Variants in LYPLA1 observed in about 807,000 individuals in gnomAD.
LYPLA1 encodes lysophospholipase 1.
Under a neutral mutation model 34.0 loss-of-function variants are expected in LYPLA1, and 17 were observed. That is an observed-to-expected ratio of 0.50 (90% CI 0.34 to 0.75). LYPLA1 has a LOEUF of 0.75. Ranked by LOEUF, LYPLA1 falls within the 30% of genes least tolerant of loss-of-function variation. The pLI is 0.01. For missense variants in LYPLA1, 203 were observed against 288.8 expected, an observed-to-expected ratio of 0.70 and a Z score of 2.15; for synonymous variants, 98 against 100.8, an observed-to-expected ratio of 0.97 and a Z score of 0.17.
chr8:54,079,563 G>A (rs1808158588), intron 2 of LYPLA1, among the ~76,000 whole-genome samples: 1 of 152,092 alleles, frequency 6.6e-6, no homozygotes, highest in Admixed American at 6.6e-5. Flanking sequence ...AGCAGTTTGG[G>A]AGGCTGAGTT....
At chr8:54,058,566 G>C (rs1806366723) in intron 5 of LYPLA1, among the ~76,000 whole-genome samples, 1 of 151,636 alleles carries the variant, frequency 6.6e-6, no homozygotes, top group Non-Finnish European at 1.5e-5. Flanking sequence ...AAAAAAACCA[G>C]AATAAATCTC....
intron 2 of LYPLA1, among the ~76,000 whole-genome samples, chr8:54,070,239 CG>C (rs1387428300): frequency 6.6e-6 from 1 of 152,102 alleles, no homozygotes; most frequent in Admixed American, 6.5e-5. Context: ...TGCTGGAACC[CG>C]GGAGGCGGAA....
chr8:54,059,297 C>CTTTTTTTTTTTTTTT (rs1476518178), intron 5 of LYPLA1, among the ~76,000 whole-genome samples: 2 of 117,270 alleles, frequency 1.7e-5, no homozygotes, highest in African/African-American at 1.1e-4. Flanking sequence ...TGTATTTTCC[C>CTTTTTTTTTTTTTTT]TGTTTTTTTT....
chr8:54,095,212 G>A (rs1809594167), intron 2 of LYPLA1, among the ~76,000 whole-genome samples: 1 of 152,012 alleles, frequency 6.6e-6, no homozygotes, highest in Admixed American at 6.6e-5. Flanking sequence ...GGCCAGGCTG[G>A]TACTGAACTA....
At chr8:54,084,163 T>TATATATAA (rs1365317074) in intron 2 of LYPLA1, among the ~76,000 whole-genome samples, 3 of 132,612 alleles carry the variant, frequency 2.3e-5, no homozygotes, top group Admixed American at 7.3e-5. Flanking sequence ...TATATATATA[T>TATATATAA]AAAATAAAGA....
intron 2 of LYPLA1, among the ~76,000 whole-genome samples, chr8:54,082,389 C>T (rs185362340): frequency 7.9e-5 from 12 of 151,096 alleles, no homozygotes; most frequent in Admixed American, 4.6e-4. Context: ...TGGACTGGTG[C>T]GATCAAGAAC....
intron 3 of LYPLA1, among the ~76,000 whole-genome samples, chr8:54,063,768 A>G (rs942681238): frequency 3.3e-5 from 5 of 152,206 alleles, no homozygotes; most frequent in African/African-American, 9.6e-5. Flanking sequence ...ATCAATTCTC[A>G]TATGCTCAGA....
chr8:54,061,142 G>A (rs1436259959), intron 5 of LYPLA1, among the ~76,000 whole-genome samples: 3 of 149,820 alleles, frequency 2.0e-5, no homozygotes, highest in Admixed American at 6.6e-5. Context: ...GTGCAATGGC[G>A]CAATCTCGGC....
chr8:54,101,387 G>A (rs11994629), intron 1 of LYPLA1: 152,323 of 1,052,206 alleles, frequency 0.14, 15,636 homozygotes, highest in East Asian at 0.73. Context: ...CTTTCATTGA[G>A]GATAAGAGTG....
downstream of LYPLA1, among the ~76,000 whole-genome samples, chr8:54,046,109 C>A (rs1233393281): frequency 6.6e-6 from 1 of 151,916 alleles, no homozygotes; most frequent in Non-Finnish European, 1.5e-5. Context: ...AAGAAAAAGA[C>A]AAAAGATAAA....
At chr8:54,044,177 G>A (rs1044260986), downstream of LYPLA1, among the ~76,000 whole-genome samples, 7 of 152,122 alleles carry the variant, frequency 4.6e-5, no homozygotes, top group Admixed American at 3.9e-4. Flanking sequence ...ACAGGTGTGA[G>A]GGAGCCACCG....
chr8:54,101,936 G>C lies in LYPLA1; in HGVS notation c.-113C>G, dbSNP rs1010643118. ...CCCCACCGGGCGCACGCTCAGGCGC[G>C]TGCGCGCCAACGCGGCCCCGCGCTA... On this transcript the variant is annotated 5_prime_UTR_variant, in exon 1 of 9. Coordinates refer to ENST00000316963, the MANE Select transcript of LYPLA1 (RefSeq NM_006330.4). 36 of 468,940 alleles carry C rather than the reference G, an allele frequency of 7.7e-5. No individual in the cohort carries two copies. Among genetic ancestry groups the C allele is most frequent in the Non-Finnish European group, 9.9e-5 (33 of 334,288 alleles). 29.0% of individuals were successfully genotyped at this position (468,940 alleles called of 1,614,324 possible). A position where few individuals can be genotyped will look rare whatever the true frequency, so the allele number is the denominator to read the frequency against.
chr8:54,088,176 G>A (rs1040786307), intron 2 of LYPLA1, among the ~76,000 whole-genome samples: 1 of 152,190 alleles, frequency 6.6e-6, no homozygotes, highest in Non-Finnish European at 1.5e-5. Flanking sequence ...GCTAAATTGA[G>A]GGAGCTAAGA....
intron 5 of LYPLA1, among the ~76,000 whole-genome samples, chr8:54,061,977 T>G (rs761736553): frequency 2.6e-5 from 4 of 152,132 alleles, no homozygotes; most frequent in Non-Finnish European, 1.5e-5. Flanking sequence ...TGCTTCATCC[T>G]CTCAAGTGGC....
At chr8:54,059,299 G>GTTTTTTTTTTTTTTTTTTT (rs573966934) in intron 5 of LYPLA1, among the ~76,000 whole-genome samples, 1 of 112,704 alleles carries the variant, frequency 8.9e-6, no homozygotes, top group Non-Finnish European at 1.6e-5. Flanking sequence ...TATTTTCCCT[G>GTTTTTTTTTTTTTTTTTTT]TTTTTTTTTT....
chr8:54,092,538 CCCATCCATAA>C (rs796126999), intron 2 of LYPLA1, among the ~76,000 whole-genome samples: 33 of 152,240 alleles, frequency 2.2e-4, no homozygotes, highest in African/African-American at 7.2e-4. Flanking sequence ...TCTCAGTTTT[CCCATCCATAA>C]CCAGGAGCTA....
chr8:54,073,374 G>C (rs913356893), intron 2 of LYPLA1: 1 of 792,874 alleles, frequency 1.3e-6, no homozygotes, highest in African/African-American at 1.7e-5. Context: ...ATGACACCTG[G>C]CTGCCCAAGA....
intron 2 of LYPLA1, among the ~76,000 whole-genome samples, chr8:54,072,934 C>CAAAAAAAAAAAAAAAAAAA (rs59257354): frequency 1.1e-5 from 1 of 91,720 alleles, no homozygotes; most frequent in Admixed American, 1.1e-4. Context: ...AAGACTGAAT[C>CAAAAAAAAAAAAAAAAAAA]AAAAAAAAAA....
intron 5 of LYPLA1, among the ~76,000 whole-genome samples, chr8:54,060,463 T>C (rs946332951): frequency 6.6e-6 from 1 of 151,928 alleles, no homozygotes; most frequent in Non-Finnish European, 1.5e-5. Flanking sequence ...TCCCAGTAAG[T>C]TAGTATTCTG....
Sources: gnomAD v4.1 joint callset for allele counts (sites outside exome capture counted in the v4.1 genomes callset) on GRCh38, gnomAD v4.1.1 for gene constraint, MANE v1.5 for transcripts, NCBI Gene and HGNC (gene_info 2026-07-23, HGNC 2026-07-21) for gene names.